GPHN: variants seen among roughly 807,000 people sequenced by gnomAD.
The protein encoded by GPHN is gephyrin.
Under a neutral mutation model 95.5 loss-of-function variants are expected in GPHN, and 17 were observed. The observed-to-expected ratio is 0.18, with a 90% CI of 0.12 to 0.27. The LOEUF (loss-of-function observed/expected upper bound fraction) is 0.27. Among genes scored for constraint, GPHN ranks in the 10% least tolerant of loss-of-function variants. GPHN has a pLI of 1.00. For missense variants in GPHN, 660 were observed against 978.1 expected, an observed-to-expected ratio of 0.67 and a Z score of 4.34; for synonymous variants, 320 against 322.5, an observed-to-expected ratio of 0.99 and a Z score of 0.08.
chr14:67,127,782 T>C (rs934566780), intron 17 of GPHN, among the ~76,000 whole-genome samples: 1 of 152,168 alleles, frequency 6.6e-6, no homozygotes, highest in African/African-American at 2.4e-5. Context: ...TTTTAGAAGG[T>C]TCCAGAACTT....
At chr14:67,449,640 T>C in the GPHN span, among the ~76,000 whole-genome samples, 5 of 152,190 alleles carry the variant, frequency 3.3e-5, no homozygotes, top group African/African-American at 7.2e-5. Context: ...AGGCCTAATA[T>C]GGTTTGGCTC....
intron 10 of GPHN, 98 bp from the exon 11 acceptor site, chr14:67,058,551 G>T: frequency 9.7e-7 from 1 of 1,025,654 alleles, no homozygotes. Flanking sequence ...TCTTCATCTG[G>T]GGACATTTGA....
the GPHN span, among the ~76,000 whole-genome samples, chr14:67,440,582 T>C: frequency 2.6e-5 from 4 of 152,216 alleles, no homozygotes; most frequent in Admixed American, 2.6e-4. Context: ...TGAAAACCCA[T>C]CTCTACTGAA....
chr14:66,926,442 G>C (rs1214686091), intron 8 of GPHN, among the ~76,000 whole-genome samples: 2 of 152,136 alleles, frequency 1.3e-5, no homozygotes, highest in African/African-American at 4.8e-5. Context: ...GCAAGAGATA[G>C]GTGTCTAGTT....
intron 1 of GPHN, among the ~76,000 whole-genome samples, chr14:66,665,024 A>G (rs1306070850): frequency 6.6e-6 from 1 of 150,504 alleles, no homozygotes; most frequent in Non-Finnish European, 1.5e-5. Flanking sequence ...CCAGGACCAG[A>G]CGGCTTCACA....
At chr14:67,699,938 G>C in the GPHN span, among the ~76,000 whole-genome samples, 4 of 151,936 alleles carry the variant, frequency 2.6e-5, no homozygotes, top group African/African-American at 7.3e-5. Flanking sequence ...TCAAGACATC[G>C]AGACCATCCT....
the GPHN span, among the ~76,000 whole-genome samples, chr14:67,305,436 C>T: frequency 6.6e-6 from 1 of 152,164 alleles, no homozygotes; most frequent in Admixed American, 6.6e-5. Context: ...CATACTACCA[C>T]ATCCGGCTAA....
chr14:67,707,440 A>T, the GPHN span, among the ~76,000 whole-genome samples: 5 of 152,028 alleles, frequency 3.3e-5, no homozygotes, highest in South Asian at 2.1e-4. Context: ...ATATATATAT[A>T]TTTTTTGAGA....
the GPHN span, among the ~76,000 whole-genome samples, chr14:67,351,142 G>A: frequency 4.2e-4 from 64 of 152,292 alleles, no homozygotes; most frequent in Non-Finnish European, 7.4e-4. Flanking sequence ...GCCTTCCCAA[G>A]TATTAAAAAG....
chr14:67,317,424 AAAG>A, the GPHN span: 6 of 1,612,424 alleles, frequency 3.7e-6, no homozygotes, highest in Non-Finnish European at 5.1e-6. Flanking sequence ...TGTGGTGTGC[AAAG>A]AAGAATAAAA....
In GPHN at chr14:66,908,128, A is replaced by C. The variant is rs564152549; in HGVS notation, c.390-7875A>C. Among the ~76,000 whole-genome samples, 123 of 152,202 alleles carry C rather than the reference A, an allele frequency of 8.1e-4. 5 individuals are homozygous for C. Among genetic ancestry groups the C allele is most frequent in the Admixed American group, 3.3e-4 (5 of 15,246 alleles). On this transcript the variant is annotated intron_variant, in intron 5 of 22. Transcript: ENST00000478722. ...CATATCAATATGAAATGATATAATT[A>C]ATGCTGAAATCTTAGTTTTTATTAC...
chr14:66,736,657 G>A (rs1413021471), intron 2 of GPHN, among the ~76,000 whole-genome samples: 3 of 151,818 alleles, frequency 2.0e-5, no homozygotes, highest in Non-Finnish European at 4.4e-5. Flanking sequence ...CACCCGCCTC[G>A]GCCTCCTAAA....
the GPHN span, chr14:67,571,694 G>A: frequency 1.9e-6 from 3 of 1,576,486 alleles, no homozygotes; most frequent in East Asian, 4.5e-5. Context: ...AAGCTGCAGG[G>A]TTGGGAGAGG....
chr14:67,575,565 G>A, the GPHN span: 13,156 of 826,090 alleles, frequency 0.016, 165 homozygotes, highest in Middle Eastern at 0.045. Flanking sequence ...CCTACCCCAC[G>A]TAACCCCACA....
chr14:67,323,235 G>GTGTA, the GPHN span, among the ~76,000 whole-genome samples: 8 of 17,004 alleles, frequency 4.7e-4, no homozygotes, highest in African/African-American at 6.1e-4. Context: ...ATATACACGT[G>GTGTA]TGTGTGTGTG....
At chr14:67,642,147 C>A in the GPHN span, 1 of 1,600,532 alleles carries the variant, frequency 6.2e-7, no homozygotes, top group South Asian at 1.1e-5. Context: ...TTGGAGATAG[C>A]ACAGAAAATT....
At chr14:67,499,699 C>G in the GPHN span, among the ~76,000 whole-genome samples, 1 of 151,984 alleles carries the variant, frequency 6.6e-6, no homozygotes, top group Admixed American at 6.6e-5. Context: ...AGTGATGATC[C>G]CAGAAGACCT....
the GPHN span, among the ~76,000 whole-genome samples, chr14:67,281,310 GAT>G: frequency 6.6e-6 from 1 of 152,138 alleles, no homozygotes; most frequent in Non-Finnish European, 1.5e-5. Flanking sequence ...AGAAATCATA[GAT>G]ATGTGTTCAG....
chr14:66,581,676 A>G (rs1189050905), intron 1 of GPHN, among the ~76,000 whole-genome samples: 1 of 151,988 alleles, frequency 6.6e-6, no homozygotes, highest in Non-Finnish European at 1.5e-5. Context: ...GGGCACATAC[A>G]GATTGAATGT....
Sources: allele counts gnomAD v4.1 joint callset (sites outside exome capture counted in the v4.1 genomes callset), GRCh38; gene constraint gnomAD v4.1.1; transcripts MANE v1.5; gene names NCBI Gene and HGNC (gene_info 2026-07-23, HGNC 2026-07-21).